The following SLC35A3 variants were observed in gnomAD, a reference collection of about 807,000 sequenced individuals.
The protein encoded by SLC35A3 is UDP-N-acetylglucosamine transporter.
A neutral mutation model predicts 39.0 loss-of-function variants in SLC35A3; 26 were observed. The ratio of observed to expected loss-of-function variants is 0.67; its 90% confidence interval spans 0.49 to 0.92. The LOEUF (loss-of-function observed/expected upper bound fraction) is 0.92. Ranked by LOEUF, SLC35A3 falls within the 40% of genes least tolerant of loss-of-function variation. The pLI, the probability that SLC35A3 is intolerant of heterozygous loss-of-function variation, is 0.00. For missense variants in SLC35A3, 299 were observed against 371.6 expected, an observed-to-expected ratio of 0.80 and a Z score of 1.61; for synonymous variants, 135 against 133.1, an observed-to-expected ratio of 1.01 and a Z score of -0.10.
intron 2 of SLC35A3, among the ~76,000 whole-genome samples, chr1:99,998,005 C>T (rs1658525308): frequency 6.6e-6 from 1 of 152,076 alleles, no homozygotes; most frequent in Non-Finnish European, 1.5e-5. Flanking sequence ...GCACCTTGAC[C>T]CATTAGTGGC....
At chr1:100,002,968 C>T (rs1658920398) in intron 3 of SLC35A3, among the ~76,000 whole-genome samples, 1 of 152,036 alleles carries the variant, frequency 6.6e-6, no homozygotes, top group South Asian at 2.1e-4. Context: ...TTTGTTCTTG[C>T]TTTTCTAGCT....
At chr1:99,997,399 TA>T (rs1399090365) in intron 2 of SLC35A3, among the ~76,000 whole-genome samples, 1,446 of 116,370 alleles carry the variant, frequency 0.012, 30 homozygotes, top group Middle Eastern at 0.066. Context: ...TTATATGTTT[TA>T]TATATAGTTT....
At chr1:100,018,272 C>G (rs1236024312) in intron 7 of SLC35A3, among the ~76,000 whole-genome samples, 1 of 152,100 alleles carries the variant, frequency 6.6e-6, no homozygotes, top group Admixed American at 6.5e-5. Context: ...GAAGAAGACC[C>G]AGGACTCTGT....
chr1:99,989,237 T>G (rs1230623656), intron 1 of SLC35A3, among the ~76,000 whole-genome samples: 1 of 152,198 alleles, frequency 6.6e-6, no homozygotes, highest in African/African-American at 2.4e-5. Flanking sequence ...CCTATGCCTA[T>G]TAGTCACTCA....
chr1:100,015,892 T>TA (rs926188635), intron 6 of SLC35A3, among the ~76,000 whole-genome samples: 10 of 152,032 alleles, frequency 6.6e-5, no homozygotes, highest in African/African-American at 2.2e-4. Context: ...ATTACATCTT[T>TA]AAAAAATACA....
chr1:99,995,187 A>G (rs1024586841), intron 2 of SLC35A3, among the ~76,000 whole-genome samples: 1 of 136,416 alleles, frequency 7.3e-6, no homozygotes, highest in East Asian at 2.1e-4. Context: ...GAGTCTCACT[A>G]TGTCGCCTAG....
At chr1:100,003,816 A>C (rs760388752) in intron 3 of SLC35A3, among the ~76,000 whole-genome samples, 12 of 152,180 alleles carry the variant, frequency 7.9e-5, no homozygotes, top group Non-Finnish European at 1.3e-4. Flanking sequence ...AGTTGGGTGC[A>C]TGTATATTTA....
chr1:100,018,355 A>G (rs189329699), intron 7 of SLC35A3, among the ~76,000 whole-genome samples: 2 of 152,288 alleles, frequency 1.3e-5, no homozygotes, highest in South Asian at 2.1e-4. Flanking sequence ...TACAGACAGC[A>G]TTGAAAATTC....
intron 3 of SLC35A3, among the ~76,000 whole-genome samples, chr1:100,006,467 G>T (rs1360136101): frequency 6.6e-6 from 1 of 152,156 alleles, no homozygotes; most frequent in African/African-American, 2.4e-5. Context: ...AGTGCCAGTG[G>T]TGAAAGCATA....
intron 1 of SLC35A3, among the ~76,000 whole-genome samples, chr1:99,980,139 A>T (rs1657373446): frequency 1.3e-5 from 2 of 151,938 alleles, no homozygotes; most frequent in South Asian, 4.1e-4. Context: ...TTCCATCTGG[A>T]GAATTGTGTG....
In SLC35A3 at chr1:100,025,292, G is replaced by A. The variant is rs1183818590; in HGVS notation, c.*2816G>A. On this transcript the variant is annotated 3_prime_UTR_variant, in exon 8 of 8. Coordinates refer to ENST00000533028, the MANE Select transcript of SLC35A3 (RefSeq NM_012243.3). The stretch of plus-strand genomic sequence containing the variant: ...ATTGAAGTATTGGTTGGTTACTTAT[G>A]TATTAATGCAGTGTGCATTCACATT... 1 of 152,182 alleles carries A rather than the reference G, an allele frequency of 6.6e-6. No homozygotes were observed. Among genetic ancestry groups the A allele is most frequent in the East Asian group, 1.9e-4 (1 of 5,202 alleles). The allele number at this position is 152,182 out of a possible 1,614,324, so 9.4% of individuals were successfully genotyped here. A position where few individuals can be genotyped will look rare whatever the true frequency, so the allele number is the denominator to read the frequency against.
At chr1:100,018,423 A>G (rs769344693) in intron 7 of SLC35A3, among the ~76,000 whole-genome samples, 36 of 152,200 alleles carry the variant, frequency 2.4e-4, no homozygotes, top group Non-Finnish European at 4.6e-4. Flanking sequence ...AATTGTTTCC[A>G]GTACACCACT....
chr1:100,018,575 G>T (rs935197459), intron 7 of SLC35A3, among the ~76,000 whole-genome samples: 2 of 152,008 alleles, frequency 1.3e-5, no homozygotes, highest in African/African-American at 4.8e-5. Flanking sequence ...TGTCACCCAG[G>T]TTGCAGTGCA....
chr1:99,994,803 C>T (rs78795932), intron 2 of SLC35A3, among the ~76,000 whole-genome samples: 2,043 of 152,094 alleles, frequency 0.013, 18 homozygotes, highest in Middle Eastern at 0.058. Flanking sequence ...TGTTTTCATT[C>T]CTTTTGGGTA....
At position 100,022,926 on chromosome 1, in the gene SLC35A3, A is replaced by G. The variant is rs1432081135; in HGVS notation, c.*450A>G. 1 of 152,696 alleles carries G rather than the reference A, an allele frequency of 6.5e-6. No individual in the cohort carries two copies. Among genetic ancestry groups the G allele is most frequent in the African/African-American group, 2.4e-5 (1 of 41,468 alleles). The allele number at this position is 152,696 out of a possible 1,614,324, so 9.5% of individuals were successfully genotyped here. A position where few individuals can be genotyped will look rare whatever the true frequency, so the allele number is the denominator to read the frequency against. The stretch of plus-strand genomic sequence containing the variant: ...AATTATAATTACCTATAAAGCTGTG[A>G]AAAATAGAAGTATAATTTGAAAAAA... On this transcript the variant is annotated 3_prime_UTR_variant, in exon 8 of 8. Transcript: ENST00000533028.
intron 7 of SLC35A3, 24 bp downstream of exon 7, chr1:100,017,839 T>C (rs776340329): frequency 6.7e-7 from 1 of 1,489,724 alleles, no homozygotes; most frequent in East Asian, 2.4e-5. Context: ...TTCTATTTTT[T>C]TAAATCCCCA....
At chr1:99,990,074 G>A (rs998543433) in intron 1 of SLC35A3, among the ~76,000 whole-genome samples, 8 of 152,066 alleles carry the variant, frequency 5.3e-5, no homozygotes, top group African/African-American at 1.9e-4. Context: ...TAATTTTAAT[G>A]TGTCCAGTTT....
At chr1:100,014,059 G>T (rs1312697450) in intron 5 of SLC35A3, among the ~76,000 whole-genome samples, 1 of 152,122 alleles carries the variant, frequency 6.6e-6, no homozygotes, top group Non-Finnish European at 1.5e-5. Flanking sequence ...TTTTTGAGGT[G>T]AGATTCAACA....
chr1:100,006,960 A>G, intron 3 of SLC35A3, 74 bp from the exon 4 acceptor site: 1 of 1,464,182 alleles, frequency 6.8e-7, no homozygotes, highest in Non-Finnish European at 9.1e-7. Context: ...CTTAAAATAC[A>G]TTTCTAATAG....
Sources: allele counts gnomAD v4.1 joint callset (sites outside exome capture counted in the v4.1 genomes callset), GRCh38; gene constraint gnomAD v4.1.1; transcripts MANE v1.5; gene names NCBI Gene and HGNC (gene_info 2026-07-23, HGNC 2026-07-21).